RAB23: variants seen among roughly 807,000 people sequenced by gnomAD.
RAB23 encodes the protein ras-related protein Rab-23.
RAB23 carries 15 observed loss-of-function variants against 30.0 expected under a neutral mutation model. The observed-to-expected ratio is 0.50, with a 90% confidence interval of 0.33 to 0.77. The LOEUF (loss-of-function observed/expected upper bound fraction) is 0.77. RAB23 is among the 30% of genes least tolerant of loss of function. RAB23 has a pLI of 0.02. For synonymous variants in RAB23, 93 were observed against 94.0 expected (o/e 0.99, Z 0.06); for missense variants, 243 against 275.4 (o/e 0.88, Z 0.83).
Position 57,188,723 on chromosome 6 carries a change from A to C in RAB23, c.*1738T>G, listed in dbSNP as rs370142911. 1.8e-4 allele frequency: 27 copies of C among 152,170 alleles called. No individual in the cohort carries two copies. The highest frequency in any genetic ancestry group is 6.3e-4 in the African/African-American group (26 of 41,454). The allele number at this position is 152,170 out of a possible 1,614,324, so 9.4% of individuals were successfully genotyped here. A position where few individuals can be genotyped will look rare whatever the true frequency, so the allele number is the denominator to read the frequency against. ...GACAACTGGTGACATAAAAATAAGC[A>C]TTTTACATTACTGTGAAATAGATAA... On this transcript the variant is annotated 3_prime_UTR_variant, in exon 7 of 7. Transcript: ENST00000468148.
intron 2 of RAB23, among the ~76,000 whole-genome samples, chr6:57,209,731 G>A (rs946354322): frequency 6.6e-6 from 1 of 152,138 alleles, no homozygotes; most frequent in Non-Finnish European, 1.5e-5. Flanking sequence ...CCTAAAGCAG[G>A]ATTTCCTTTT....
rs1764682178 is a variant in RAB23 at position 57,188,150 on chromosome 6, ATAAAAT to A, written c.*2305_*2310del. 6.6e-6 allele frequency: 1 copy of A among 152,202 alleles called. No homozygotes were observed. Among genetic ancestry groups the A allele is most frequent in the Non-Finnish European group, 1.5e-5 (1 of 68,012 alleles). 9.4% of individuals were successfully genotyped at this position (152,202 alleles called of 1,614,324 possible). ...GTTTTTCTTTAGTATACATGGTTTC[ATAAAAT>A]TAAAGTTATTTAAGAGAATGAAGGG... On this transcript the variant is annotated 3_prime_UTR_variant, in exon 7 of 7. Coordinates refer to ENST00000468148, the MANE Select transcript of RAB23 (RefSeq NM_016277.5).
chr6:57,193,863 G>C lies in RAB23; in HGVS notation c.553C>G (p.His185Asp), dbSNP rs1483578009. 1 of 1,612,854 alleles carries C rather than the reference G, an allele frequency of 6.2e-7. No individual in the cohort carries two copies. The highest frequency in any genetic ancestry group is 1.7e-5 in the Admixed American group (1 of 59,984). ...TTACCAATCTTGTTACTACTTGAATGCGTTAGTTCTGGATCCTCAGCTATT... is the reference window on the plus strand; with the variant it reads ...TTACCAATCTTGTTACTACTTGAATCCGTTAGTTCTGGATCCTCAGCTATT... ...QQIAEDPELT[H>D]SSSNKIGVFN... is the part of the protein sequence containing the mutation. Residue 185 changes from histidine (H) to aspartate (D), a missense_variant, in exon 6 of 7, where the codon CAT (histidine) becomes GAT (aspartate). Physicochemically the swap from His to Asp is moderately conservative, Grantham distance 81. Transcript: ENST00000468148.
chr6:57,188,158 AAAGTT>A lies in RAB23; in HGVS notation c.*2298_*2302del, dbSNP rs1329551703. The A allele has an allele frequency of 6.6e-6, 1 of 152,160 alleles. No individual in the cohort carries two copies. The highest frequency in any genetic ancestry group is 2.4e-5 in the African/African-American group (1 of 41,452). The allele number at this position is 152,160 out of a possible 1,614,324, so 9.4% of individuals were successfully genotyped here. ...TTAGTATACATGGTTTCATAAAATT[AAAGTT>A]ATTTAAGAGAATGAAGGGTCTTGGA... On this transcript the variant is annotated 3_prime_UTR_variant, in exon 7 of 7. Coordinates refer to ENST00000468148, the MANE Select transcript of RAB23 (RefSeq NM_016277.5).
intron 4 of RAB23, among the ~76,000 whole-genome samples, chr6:57,195,982 ATTTATGAACAGAAATTATCTG>A (rs995923897): frequency 6.6e-6 from 1 of 152,370 alleles, no homozygotes; most frequent in African/African-American, 2.4e-5. Flanking sequence ...ATAAGTAAAT[ATTTATGAACAGAAATTATCTG>A]TTCACAAATT....
intron 3 of RAB23, among the ~76,000 whole-genome samples, chr6:57,200,125 G>C (rs557718584): frequency 2.0e-5 from 3 of 151,354 alleles, no homozygotes; most frequent in Admixed American, 2.0e-4. Flanking sequence ...ATCATTATTT[G>C]CAGAATTTAG....
At position 57,196,489 on chromosome 6, in the gene RAB23, T is replaced by C; in HGVS notation, c.359A>G (p.Gln120Arg). Residue 120 changes from glutamine to arginine, a missense_variant, in exon 4 of 7, where the codon CAA becomes CGA. Transcript: ENST00000468148. ...ATCATCCAGAAGATCAATCTTGTTT[T>C]GCACAAGTACAGTTGGTATATCTCC... The part of the protein sequence containing the change: ...EVGDIPTVLV[Q>R]NKIDLLDDSC... 6.2e-7 allele frequency: 1 copy of C among 1,614,048 alleles called. No homozygotes were observed. The highest frequency in any genetic ancestry group is 2.2e-5 in the East Asian group (1 of 44,856).
intron 1 of RAB23, among the ~76,000 whole-genome samples, chr6:57,213,947 G>A (rs1292260295): frequency 4.0e-5 from 6 of 151,666 alleles, no homozygotes; most frequent in Non-Finnish European, 1.5e-5. Flanking sequence ...CTATGGGGTG[G>A]TGTCAGAAAA....
chr6:57,199,260 G>GC (rs1328355701), intron 3 of RAB23, among the ~76,000 whole-genome samples: 5 of 152,112 alleles, frequency 3.3e-5, no homozygotes, highest in East Asian at 3.9e-4. Context: ...GTGGCGGGGG[G>GC]GTGGAATGAA....
chr6:57,194,195 G>C (rs890126597), intron 5 of RAB23, among the ~76,000 whole-genome samples: 1 of 151,928 alleles, frequency 6.6e-6, no homozygotes, highest in Admixed American at 6.6e-5. Flanking sequence ...CTAAGTATCT[G>C]AATAGTGATT....
intron 1 of RAB23, among the ~76,000 whole-genome samples, chr6:57,217,553 C>T (rs184503268): frequency 5.9e-4 from 90 of 152,328 alleles, no homozygotes; most frequent in Middle Eastern, 3.4e-3. Flanking sequence ...AGTGATCCGC[C>T]CGCCGTGGCC....
Position 57,188,782 on chromosome 6 carries a change from ATTTACTT to A in RAB23, c.*1672_*1678del, listed in dbSNP as rs1488901606. ...CATTTCAATATAATGAAAAGCAAAA[ATTTACTT>A]TTTAATTTTTTTTATTTTTCCATCT... is the stretch of plus-strand genomic sequence containing the variant. On this transcript the variant is annotated 3_prime_UTR_variant, in exon 7 of 7. Coordinates refer to ENST00000468148, the MANE Select transcript of RAB23 (RefSeq NM_016277.5). 2 of 152,220 alleles carry A rather than the reference ATTTACTT, an allele frequency of 1.3e-5. No individual in the cohort carries two copies. The highest frequency in any genetic ancestry group is 4.1e-4 in the South Asian group (2 of 4,836). The allele number at this position is 152,220 out of a possible 1,614,324, so 9.4% of individuals were successfully genotyped here. A position where few individuals can be genotyped will look rare whatever the true frequency, so the allele number is the denominator to read the frequency against.
chr6:57,194,929 ATT>A, intron 4 of RAB23, 77 bp from the exon 5 acceptor site: 1 of 1,065,644 alleles, frequency 9.4e-7, no homozygotes, highest in South Asian at 1.3e-5. Flanking sequence ...TTTTAATTAC[ATT>A]TACTGAATAC....
intron 3 of RAB23, among the ~76,000 whole-genome samples, chr6:57,198,211 A>G (rs1765099738): frequency 6.6e-6 from 1 of 152,242 alleles, no homozygotes; most frequent in Non-Finnish European, 1.5e-5. Context: ...CCGATAAATA[A>G]ACTTATATTT....
In RAB23 at chr6:57,189,759, T is replaced by C. The variant is rs147029150; in HGVS notation, c.*702A>G. On this transcript the variant is annotated 3_prime_UTR_variant, in exon 7 of 7. Coordinates refer to ENST00000468148, the MANE Select transcript of RAB23 (RefSeq NM_016277.5). ...GTATGATATTTTTGGCACAAAGCAC[T>C]TTTTAAACCCAAGCTCATTTTGCAA... The C allele has an allele frequency of 6.5e-5, 10 of 152,792 alleles. No individual in the cohort carries two copies. Among genetic ancestry groups the C allele is most frequent in the Admixed American group, 4.6e-4 (7 of 15,298 alleles). 9.5% of individuals were successfully genotyped at this position (152,792 alleles called of 1,614,324 possible). A position where few individuals can be genotyped will look rare whatever the true frequency, so the allele number is the denominator to read the frequency against.
intron 6 of RAB23, among the ~76,000 whole-genome samples, chr6:57,191,929 C>G (rs1183074667): frequency 6.6e-6 from 1 of 152,052 alleles, no homozygotes; most frequent in Non-Finnish European, 1.5e-5. Flanking sequence ...TCATTGCAGC[C>G]TTTAACTCCT....
At chr6:57,205,121 A>T in intron 3 of RAB23, among the ~76,000 whole-genome samples, 1 of 149,538 alleles carries the variant, frequency 6.7e-6, no homozygotes, top group East Asian at 2.0e-4. Context: ...GTGTGTATAT[A>T]TACACATCTA....
At chr6:57,206,651 AG>A (rs1765465680) in intron 3 of RAB23, among the ~76,000 whole-genome samples, 1 of 152,154 alleles carries the variant, frequency 6.6e-6, no homozygotes, top group Non-Finnish European at 1.5e-5. Context: ...ATGGTGTGGA[AG>A]CAGCAGTGAG....
At chr6:57,210,095 C>T in intron 2 of RAB23, 131 bp downstream of exon 2, 1 of 889,060 alleles carries the variant, frequency 1.1e-6, no homozygotes, top group Non-Finnish European at 1.8e-6. Flanking sequence ...AAACCACCAT[C>T]ACTGTCGCAT....
Sources: allele counts gnomAD v4.1 joint callset (sites outside exome capture counted in the v4.1 genomes callset), GRCh38; gene constraint gnomAD v4.1.1; transcripts MANE v1.5; gene names NCBI Gene and HGNC (gene_info 2026-07-23, HGNC 2026-07-21).